Variants in POLR2B observed in about 807,000 individuals in gnomAD.
POLR2B encodes DNA-directed RNA polymerase II subunit RPB2.
Under a neutral mutation model 144.6 loss-of-function variants are expected in POLR2B, and 57 were observed. The observed-to-expected ratio is 0.39, with a 90% confidence interval of 0.32 to 0.49. POLR2B has a LOEUF of 0.49. Ranked by LOEUF, POLR2B falls within the 20% of genes least tolerant of loss-of-function variation. The probability of loss-of-function intolerance (pLI) is 0.83; values close to 1 mark genes in which losing one functional copy is unlikely to be tolerated. For missense variants in POLR2B, 595 were observed against 1,467.4 expected, an observed-to-expected ratio of 0.41 and a Z score of 9.71; for synonymous variants, 442 against 469.8, an observed-to-expected ratio of 0.94 and a Z score of 0.77.
Position 57,017,871 on chromosome 4 carries a change from TA to T in POLR2B, c.2323+148del, listed in dbSNP as rs1723420138. The T allele has an allele frequency of 1.7e-6, 1 of 585,364 alleles. No individual in the cohort carries two copies. Among genetic ancestry groups the T allele is most frequent in the African/African-American group, 1.9e-5 (1 of 52,636 alleles). 36.3% of individuals were successfully genotyped at this position (585,364 alleles called of 1,614,324 possible). A position where few individuals can be genotyped will look rare whatever the true frequency, so the allele number is the denominator to read the frequency against. On this transcript the variant is annotated intron_variant, in intron 16 of 24. Coordinates refer to ENST00000314595, the MANE Select transcript of POLR2B (RefSeq NM_000938.3). This position sits in a 1 kb window ranked among gnomAD's most constrained non-coding sequence, Gnocchi z 4.8. ...AATATGGTGGGAAACATGAACATAA[TA>T]AAAAGGTAGGTATGTGGAAAGTGTT...
Position 56,995,241 on chromosome 4 carries a change from G to C in POLR2B, c.577-10G>C, listed in dbSNP as rs1303734892. Reference sequence around the variant, plus strand: ...ATTTTATGGCTGTAACTTTCTTATTGTCCAAATAGGTTCTGATTGCCCAAG... The same window carrying C: ...ATTTTATGGCTGTAACTTTCTTATTCTCCAAATAGGTTCTGATTGCCCAAG... On this transcript the variant is annotated splice_polypyrimidine_tract_variant and intron_variant, in intron 5 of 24. Coordinates refer to ENST00000314595, the MANE Select transcript of POLR2B (RefSeq NM_000938.3). The C allele has an allele frequency of 6.3e-7, 1 of 1,593,732 alleles. No individual in the cohort carries two copies. The highest frequency in any genetic ancestry group is 1.3e-5 in the African/African-American group (1 of 74,434).
intron 3 of POLR2B, among the ~76,000 whole-genome samples, chr4:56,992,355 C>A (rs965972693): frequency 7.1e-6 from 1 of 141,284 alleles, no homozygotes. Flanking sequence ...GTCCCAGCTA[C>A]TAGGGAGGCT....
At chr4:56,981,021 T>G (rs911965968) in intron 1 of POLR2B, among the ~76,000 whole-genome samples, 1 of 152,108 alleles carries the variant, frequency 6.6e-6, no homozygotes, top group Non-Finnish European at 1.5e-5. Flanking sequence ...CAGGCTGATC[T>G]CAAACTCCTG....
At chr4:57,026,749 A>G (rs971001662) in intron 23 of POLR2B, among the ~76,000 whole-genome samples, 1 of 132,786 alleles carries the variant, frequency 7.5e-6, no homozygotes, top group African/African-American at 2.8e-5. Flanking sequence ...CGACAGAGTG[A>G]GACTCTGTCT....
In POLR2B at chr4:57,017,136, G is replaced by A. The variant is rs543852426; in HGVS notation, c.2049G>A (p.Gln683=). The A allele has an allele frequency of 6.2e-7, 1 of 1,612,584 alleles. No individual in the cohort carries two copies. Among genetic ancestry groups the A allele is most frequent in the Non-Finnish European group, 8.5e-7 (1 of 1,178,996 alleles). ...VMLAMTPDDL[Q]EKEVAYCSTY... ...TTGCAATGACTCCAGATGATTTACA[G>A]GAGAAAGAAGTAGCTTATTGTTCCA... Residue 683 remains glutamine (Q), a synonymous_variant, in exon 15 of 25, where the codon CAG becomes CAA. Transcript: ENST00000314595. The surrounding 1 kb of genome is among the most constrained non-coding windows in gnomAD (Gnocchi z 4.8).
chr4:57,030,196 C>T lies in POLR2B; in HGVS notation c.3240-8C>T. On this transcript the variant is annotated splice_region_variant and splice_polypyrimidine_tract_variant and intron_variant, in intron 23 of 24. Coordinates refer to ENST00000314595, the MANE Select transcript of POLR2B (RefSeq NM_000938.3). ...AAGTACAAAGTAATAATTTTTTTCT[C>T]TTAACAGTGATGGTGGCCTGCGTTT... 1 of 1,608,932 alleles carries T rather than the reference C, an allele frequency of 6.2e-7. No homozygotes were observed. Among genetic ancestry groups the T allele is most frequent in the South Asian group, 1.1e-5 (1 of 90,600 alleles).
intron 3 of POLR2B, among the ~76,000 whole-genome samples, chr4:56,992,464 CAAAAAAA>C (rs1209234628): frequency 8.2e-4 from 14 of 17,138 alleles, no homozygotes; most frequent in Admixed American, 2.6e-3. Flanking sequence ...GACTCTGTCT[CAAAAAAA>C]AAAAAAAAAA....
chr4:57,007,478 T>G (rs530962393), intron 10 of POLR2B, among the ~76,000 whole-genome samples: 1 of 152,334 alleles, frequency 6.6e-6, no homozygotes, highest in Non-Finnish European at 1.5e-5. Flanking sequence ...TTTCTTAAAT[T>G]AGCTATTAGT....
At chr4:57,000,145 T>G (rs1334646235) in intron 7 of POLR2B, among the ~76,000 whole-genome samples, 1 of 152,292 alleles carries the variant, frequency 6.6e-6, no homozygotes, top group African/African-American at 2.4e-5. Context: ...TACAGAAAAG[T>G]TACAAAAAGG....
chr4:57,010,675 GA>G, intron 11 of POLR2B, 72 bp from the exon 12 acceptor site: 3 of 1,426,540 alleles, frequency 2.1e-6, no homozygotes, highest in East Asian at 2.3e-5. Flanking sequence ...CACATTGAAG[GA>G]AAAATGTTTA....
intron 13 of POLR2B, among the ~76,000 whole-genome samples, chr4:57,011,854 C>T (rs576545963): frequency 1.3e-5 from 2 of 152,076 alleles, no homozygotes; most frequent in African/African-American, 2.4e-5. Context: ...CTTAATCTTT[C>T]GATGCATGCT....
In POLR2B at chr4:57,025,368, T is replaced by G. The variant is rs750037124; in HGVS notation, c.3079-9T>G. On this transcript the variant is annotated splice_polypyrimidine_tract_variant and intron_variant, in intron 22 of 24. Coordinates refer to ENST00000314595, the MANE Select transcript of POLR2B (RefSeq NM_000938.3). ...TAGGTCTACACTTCAAAATCTGTGTTTGTTGCAGGTCCTGTACAATGGGTT... is the reference window on the plus strand; with the variant it reads ...TAGGTCTACACTTCAAAATCTGTGTGTGTTGCAGGTCCTGTACAATGGGTT... The G allele has an allele frequency of 1.2e-6, 2 of 1,606,874 alleles. No individual in the cohort carries two copies. Among genetic ancestry groups the G allele is most frequent in the Non-Finnish European group, 1.7e-6 (2 of 1,173,606 alleles).
At chr4:56,984,249 A>G (rs1333271486) in intron 1 of POLR2B, among the ~76,000 whole-genome samples, 2 of 151,998 alleles carry the variant, frequency 1.3e-5, no homozygotes, top group Non-Finnish European at 2.9e-5. Context: ...AGTTGTTCCC[A>G]GATATCCTGC....
Position 56,978,915 on chromosome 4 carries a change from G to A in POLR2B, c.-71G>A, listed in dbSNP as rs1722061680. 3 of 1,436,820 alleles carry A rather than the reference G, an allele frequency of 2.1e-6. No individual in the cohort carries two copies. Among genetic ancestry groups the A allele is most frequent in the East Asian group, 2.3e-5 (1 of 44,066 alleles). 89.0% of individuals were successfully genotyped at this position (1,436,820 alleles called of 1,614,324 possible). On this transcript the variant is annotated 5_prime_UTR_variant, in exon 1 of 25. Transcript: ENST00000314595. ...GAAGTTACTTCGTCTTTAGCTCCTG[G>A]CGCTGCTGGCTTCTGGGCGGTTTTT... is the stretch of plus-strand genomic sequence containing the variant.
chr4:57,029,451 A>G (rs1723837409), intron 23 of POLR2B, among the ~76,000 whole-genome samples: 1 of 152,192 alleles, frequency 6.6e-6, no homozygotes, highest in Non-Finnish European at 1.5e-5. Context: ...CAGTGGTCCA[A>G]AGTCGACCAA....
At chr4:57,010,946 A>G in intron 12 of POLR2B, 43 bp from the exon 13 acceptor site, 1 of 1,595,982 alleles carries the variant, frequency 6.3e-7, no homozygotes, top group Non-Finnish European at 8.6e-7. Flanking sequence ...GTTGCTTAGT[A>G]TAGAATTGTT....
intron 2 of POLR2B, among the ~76,000 whole-genome samples, chr4:56,989,823 G>C (rs1013360596): frequency 5.5e-4 from 84 of 152,134 alleles, no homozygotes; most frequent in African/African-American, 2.0e-3. Context: ...TGGTAATAGG[G>C]AGTGATCTGT....
intron 13 of POLR2B, among the ~76,000 whole-genome samples, chr4:57,011,412 C>A (rs541199252): frequency 2.0e-5 from 3 of 152,302 alleles, no homozygotes; most frequent in African/African-American, 7.2e-5. Flanking sequence ...CCTGTAATCG[C>A]AGCTACTCGG....
intron 2 of POLR2B, among the ~76,000 whole-genome samples, chr4:56,988,525 AAG>A (rs752664100): frequency 6.6e-6 from 1 of 152,106 alleles, no homozygotes; most frequent in Admixed American, 6.6e-5. Context: ...GAAAGAAAAA[AAG>A]AGAAATCTGG....
Sources: gnomAD v4.1 joint callset for allele counts (sites outside exome capture counted in the v4.1 genomes callset) on GRCh38, gnomAD v4.1.1 for gene constraint, Gnocchi (gnomAD v3.1) non-coding constraint, MANE v1.5 for transcripts, NCBI Gene and HGNC (gene_info 2026-07-23, HGNC 2026-07-21) for gene names.